The following RFX4 variants were observed in gnomAD, a reference collection of about 807,000 sequenced individuals.
RFX4 encodes transcription factor RFX4.
In RFX4, 10 loss-of-function variants were observed where a neutral mutation model predicts 95.0. That is an observed-to-expected ratio of 0.11 (90% CI 0.06 to 0.18). RFX4 has a LOEUF of 0.18. Ranked by LOEUF, RFX4 falls within the 10% of genes least tolerant of loss-of-function variation. The pLI is 1.00. For synonymous variants in RFX4, 321 were observed against 340.7 expected (o/e 0.94, Z 0.64); for missense variants, 640 against 922.0 (o/e 0.69, Z 3.96).
At chr12:106,663,354 C>A (rs569275821) in intron 4 of RFX4, among the ~76,000 whole-genome samples, 1 of 152,004 alleles carries the variant, frequency 6.6e-6, no homozygotes, top group South Asian at 2.1e-4. Context: ...CGTCAAATAC[C>A]ACTTGTTTAT....
chr12:106,740,504 C>CT (rs892900793), intron 15 of RFX4, among the ~76,000 whole-genome samples: 3 of 151,358 alleles, frequency 2.0e-5, no homozygotes, highest in African/African-American at 7.3e-5. Flanking sequence ...TTAATTGACT[C>CT]TTTTTTTTTG....
chr12:106,640,289 G>A (rs756712827), intron 3 of RFX4, among the ~76,000 whole-genome samples: 2 of 152,172 alleles, frequency 1.3e-5, no homozygotes, highest in Non-Finnish European at 2.9e-5. Flanking sequence ...CTCTTTAACT[G>A]CAAAGCTCAT....
intron 1 of RFX4, among the ~76,000 whole-genome samples, chr12:106,592,904 C>T (rs12228930): frequency 0.53 from 79,901 of 151,902 alleles, 21,596 homozygotes; most frequent in East Asian, 0.87. Context: ...GAAATGTTTA[C>T]GAGAGGGAAA....
intron 1 of RFX4, among the ~76,000 whole-genome samples, chr12:106,602,854 G>A (rs2039740625): frequency 6.6e-6 from 1 of 152,020 alleles, no homozygotes; most frequent in African/African-American, 2.4e-5. Flanking sequence ...GCCCAGTACT[G>A]TACTAGGCTC....
intron 2 of RFX4, among the ~76,000 whole-genome samples, chr12:106,632,815 G>A (rs563045786): frequency 6.6e-6 from 1 of 152,114 alleles, no homozygotes; most frequent in African/African-American, 2.4e-5. Flanking sequence ...CACCGTATCT[G>A]GCACTACAGG....
rs1311737065 is a variant in RFX4, at chr12:106,750,717, A to G, written c.1859A>G (p.Gln620Arg). ...CAGCATCCTCACCCCATGCAGAGCC[A>G]GTATCCGGCCCTCCCTCATGACACA... ...GNQHPHPMQSQYPALPHDTAI... is the reference protein window; with the variant it reads ...GNQHPHPMQSRYPALPHDTAI... Residue 620 changes from glutamine to arginine, a missense_variant, in exon 17 of 18, where the codon CAG becomes CGG. Transcript: ENST00000392842. 6.2e-7 allele frequency: 1 copy of G among 1,611,996 alleles called. No homozygotes were observed. The highest frequency in any genetic ancestry group is 8.5e-7 in the Non-Finnish European group (1 of 1,179,212).
At chr12:106,691,411 C>T (rs1256459088) in intron 7 of RFX4, among the ~76,000 whole-genome samples, 1 of 152,230 alleles carries the variant, frequency 6.6e-6, no homozygotes, top group East Asian at 1.9e-4. Context: ...TAGGCCAATT[C>T]CACCCCACTG....
intron 2 of RFX4, among the ~76,000 whole-genome samples, chr12:106,634,056 A>T (rs1592875491): frequency 6.6e-6 from 1 of 152,258 alleles, no homozygotes. Context: ...GTGTGAAAGA[A>T]CCCTGATAAA....
At chr12:106,673,815 A>T (rs2041337977) in intron 4 of RFX4, among the ~76,000 whole-genome samples, 1 of 152,238 alleles carries the variant, frequency 6.6e-6, no homozygotes, top group Admixed American at 6.5e-5. Context: ...TCATTCTTTC[A>T]TTCAATGAGT....
intron 15 of RFX4, among the ~76,000 whole-genome samples, chr12:106,735,433 ATG>A (rs759334669): frequency 1.4e-4 from 21 of 152,288 alleles, no homozygotes; most frequent in Non-Finnish European, 2.6e-4. Context: ...CTCATTGAAC[ATG>A]TGCTGAATAA....
chr12:106,594,316 G>A (rs1233149643), intron 1 of RFX4, among the ~76,000 whole-genome samples: 3 of 152,122 alleles, frequency 2.0e-5, no homozygotes, highest in Admixed American at 6.5e-5. Context: ...AGCGTCGAGC[G>A]GTTGTTGTGA....
At chr12:106,740,635 G>T (rs1265897342) in intron 15 of RFX4, among the ~76,000 whole-genome samples, 1 of 152,108 alleles carries the variant, frequency 6.6e-6, no homozygotes, top group Non-Finnish European at 1.5e-5. Context: ...TGGGAGTACA[G>T]AAGTGAAAAA....
chr12:106,632,796 AGTGCATGCCACCGTATCTGGCACTACAG>A lies in RFX4; in HGVS notation c.131-6502_131-6475del, dbSNP rs1337599030. On this transcript the variant is annotated intron_variant, in intron 2 of 17. Transcript: ENST00000392842. ...AGCCTCCTGAGTAGCTGGGACTACA[AGTGCATGCCACCGTATCTGGCACTACAG>A]GTGCATGCCACCGTATCTGGCACTA... Among the ~76,000 whole-genome samples, 53 of 152,118 alleles carry A rather than the reference AGTGCATGCCACCGTATCTGGCACTACAG, an allele frequency of 3.5e-4. No homozygotes were observed. The East Asian group carries it at 5.2e-3, about 15-fold the overall frequency.
intron 1 of RFX4, among the ~76,000 whole-genome samples, chr12:106,587,076 C>A (rs1247455094): frequency 6.6e-6 from 1 of 152,240 alleles, no homozygotes; most frequent in African/African-American, 2.4e-5. Flanking sequence ...GTGAGAGCCG[C>A]ATGGTACCAG....
At chr12:106,676,397 G>A (rs2041392735) in intron 4 of RFX4, among the ~76,000 whole-genome samples, 1 of 152,204 alleles carries the variant, frequency 6.6e-6, no homozygotes, top group South Asian at 2.1e-4. Context: ...GAAGCAAAGA[G>A]TGGTGTCTGA....
chr12:106,754,077 G>A (rs1389590487), intron 17 of RFX4, among the ~76,000 whole-genome samples: 3 of 152,174 alleles, frequency 2.0e-5, no homozygotes, highest in Admixed American at 6.5e-5. Context: ...CAAGGAGAAC[G>A]TATCCACAAC....
At chr12:106,672,704 T>C (rs906611146) in intron 4 of RFX4, among the ~76,000 whole-genome samples, 4 of 151,132 alleles carry the variant, frequency 2.6e-5, no homozygotes, top group Admixed American at 2.6e-4. Flanking sequence ...AGGGACCAGT[T>C]GATTATTTGG....
chr12:106,722,568 T>C (rs2042415889), intron 13 of RFX4, among the ~76,000 whole-genome samples: 2 of 152,164 alleles, frequency 1.3e-5, no homozygotes, highest in Non-Finnish European at 2.9e-5. Context: ...CACACACTCT[T>C]TTGGGATAGA....
At chr12:106,682,289 G>C (rs919569122) in intron 5 of RFX4, 38 of 549,148 alleles carry the variant, frequency 6.9e-5, no homozygotes, top group Non-Finnish European at 1.1e-4. Flanking sequence ...ATCTGATTTT[G>C]TACCACCCTG....
Sources: allele counts gnomAD v4.1 joint callset (sites outside exome capture counted in the v4.1 genomes callset), GRCh38; gene constraint gnomAD v4.1.1; transcripts MANE v1.5; gene names NCBI Gene and HGNC (gene_info 2026-07-23, HGNC 2026-07-21).